ZFP69: variants seen among roughly 807,000 people sequenced by gnomAD.
ZFP69 encodes ZFP69 zinc finger protein, also known as zinc finger protein 69 homolog.
Under a neutral mutation model 48.9 loss-of-function variants are expected in ZFP69, and 35 were observed. That is an observed-to-expected ratio of 0.72 (90% CI 0.55 to 0.95). The LOEUF is 0.95. Ranked by LOEUF, ZFP69 falls within the 40% of genes least tolerant of loss-of-function variation. The pLI is 0.00. For synonymous variants in ZFP69, 193 were observed against 216.8 expected (o/e 0.89, Z 0.96); for missense variants, 557 against 638.4 (o/e 0.87, Z 1.37).
In ZFP69 at chr1:40,496,046, G is replaced by A. The variant is rs750782473; in HGVS notation, c.1568G>A (p.Arg523Gln). 8.8e-6 allele frequency: 14 copies of A among 1,581,976 alleles called. No homozygotes were observed. The highest frequency in any genetic ancestry group is 1.7e-4 in the Middle Eastern group (1 of 5,904). Residue 523 changes from arginine (R) to glutamine (Q), a missense_variant, in exon 6 of 6, where the codon CGA (arginine) becomes CAA (glutamine). Physicochemically the swap from Arg to Gln is conservative, Grantham distance 43 (BLOSUM62 1). Transcript: ENST00000372706. Reference sequence around the variant, plus strand: ...GAAATACACAGGAGGAACGCCTTCCGAAATAAGGTGTAAAAACAGATATTT... The same window carrying A: ...GAAATACACAGGAGGAACGCCTTCCAAAATAAGGTGTAAAAACAGATATTT... ...HHEIHRRNAF[R>Q]NKV
chr1:40,486,443 CTCCCTCCCTCCA>C lies in ZFP69; in HGVS notation c.220-2633_220-2622del, dbSNP rs1370851116. 2.9e-4 allele frequency among the ~76,000 whole-genome samples: 39 copies of C among 136,294 alleles called. 1 individual carries two copies. In the South Asian group the frequency reaches 4.2e-3, roughly 15 times the overall value. The allele number at this position is 136,294 out of a possible 152,430, so 89.4% of individuals were successfully genotyped here. On this transcript the variant is annotated intron_variant, in intron 3 of 5. Coordinates refer to ENST00000372706, the MANE Select transcript of ZFP69 (RefSeq NM_001320179.2). ...CTCCCTTCCTTCCTTCCTTCCCTTC[CTCCCTCCCTCCA>C]TCCCTCCCTCCCTCCTTTCTTCCTC...
At position 40,495,204 on chromosome 1, in the gene ZFP69, C is replaced by T; in HGVS notation, c.726C>T (p.His242=). The T allele has an allele frequency of 6.2e-7, 1 of 1,613,992 alleles. No individual in the cohort carries two copies. The highest frequency in any genetic ancestry group is 8.5e-7 in the Non-Finnish European group (1 of 1,180,014). The part of the protein sequence containing the change: ...VHSNVIIEQR[H]HKYDTPTKRN... Reference sequence around the variant, plus strand: ...CAAATGTTATTATTGAACAGAGGCACCATAAATATGATACACCTACAAAGC... The same window carrying T: ...CAAATGTTATTATTGAACAGAGGCATCATAAATATGATACACCTACAAAGC... The change falls in exon 6 of 6, where the codon CAC becomes CAT. Residue 242 remains histidine (H), a synonymous_variant. Transcript: ENST00000372706.
intron 2 of ZFP69, among the ~76,000 whole-genome samples, chr1:40,480,525 T>G (rs970864731): frequency 1.6e-4 from 25 of 151,574 alleles, no homozygotes; most frequent in African/African-American, 5.3e-4. Context: ...CACAGTTAGA[T>G]GCCTCTTTTG....
chr1:40,495,604 A>T lies in ZFP69; in HGVS notation c.1126A>T (p.Thr376Ser), dbSNP rs1557561850. Residue 376 changes from threonine (T) to serine (S), a missense_variant, in exon 6 of 6, where the codon ACT (threonine) becomes TCT (serine). Transcript: ENST00000372706. ...CATTAGCTTGGTTCAACATTTGAGGACTCATTCTGGAGAGAAACCTTTTAC... is the reference window on the plus strand; with the variant it reads ...CATTAGCTTGGTTCAACATTTGAGGTCTCATTCTGGAGAGAAACCTTTTAC... ...QNISLVQHLR[T>S]HSGEKPFTCN... The T allele has an allele frequency of 6.2e-7, 1 of 1,614,256 alleles. No individual in the cohort carries two copies. The highest frequency in any genetic ancestry group is 2.2e-5 in the East Asian group (1 of 44,880).
At position 40,479,342 on chromosome 1, in the gene ZFP69, A is replaced by G. The variant is rs1645420963; in HGVS notation, c.-20A>G. ...GCAATTTCCTCACCAGAAGTGGACA[A>G]GTCCAGTAAGGCAGGCATCATGCCA... is the stretch of plus-strand genomic sequence containing the variant. On this transcript the variant is annotated 5_prime_UTR_variant, in exon 2 of 6. Transcript: ENST00000372706. 9 of 1,612,864 alleles carry G rather than the reference A, an allele frequency of 5.6e-6. No homozygotes were observed. The East Asian group carries it at 1.8e-4, about 32-fold the overall frequency.
chr1:40,494,058 T>C (rs962131021), intron 5 of ZFP69, among the ~76,000 whole-genome samples: 2 of 152,124 alleles, frequency 1.3e-5, no homozygotes, highest in Non-Finnish European at 2.9e-5. Context: ...AATGTTCTTG[T>C]GTGTATTCTT....
chr1:40,493,834 G>C (rs11208254), intron 5 of ZFP69: 1 of 151,950 alleles, frequency 6.6e-6, no homozygotes, highest in East Asian at 1.9e-4. Flanking sequence ...AGACCTGTCA[G>C]TTGAAATATT....
chr1:40,478,280 A>G (rs886549952), intron 1 of ZFP69, among the ~76,000 whole-genome samples: 18 of 152,156 alleles, frequency 1.2e-4, no homozygotes, highest in African/African-American at 4.1e-4. Context: ...GCACCTGCTC[A>G]GATTCTAGGG....
At position 40,481,747 on chromosome 1, in the gene ZFP69, T is replaced by C. The variant is rs1401416285; in HGVS notation, c.128-16T>C. 1.3e-6 allele frequency: 2 copies of C among 1,594,646 alleles called. No individual in the cohort carries two copies. Among genetic ancestry groups the C allele is most frequent in the Non-Finnish European group, 1.7e-6 (2 of 1,168,804 alleles). On this transcript the variant is annotated splice_polypyrimidine_tract_variant and intron_variant, in intron 2 of 5. Coordinates refer to ENST00000372706, the MANE Select transcript of ZFP69 (RefSeq NM_001320179.2). ...TTTGGGGAGATGCAAAGCTCATGGC[T>C]CTTTTCCTTCCCCAGCTCTGCTGTC...
intron 5 of ZFP69, chr1:40,491,199 GTA>G (rs1345519484): frequency 6.6e-6 from 1 of 152,120 alleles, no homozygotes; most frequent in African/African-American, 2.4e-5. Context: ...ATATTCCTCA[GTA>G]TGTTATTCTA....
chr1:40,485,028 G>A (rs1229457576), intron 3 of ZFP69, among the ~76,000 whole-genome samples: 2 of 151,434 alleles, frequency 1.3e-5, no homozygotes, highest in Non-Finnish European at 2.9e-5. Flanking sequence ...GAGTAGCTGG[G>A]ATTACAGGCT....
chr1:40,481,943 G>T, intron 3 of ZFP69, 89 bp downstream of exon 3: 1 of 885,228 alleles, frequency 1.1e-6, no homozygotes. Context: ...TGGGAGTGGT[G>T]GTGAGGTAGG....
intron 3 of ZFP69, among the ~76,000 whole-genome samples, chr1:40,484,803 G>A (rs1645478383): frequency 6.9e-6 from 1 of 145,036 alleles, no homozygotes; most frequent in Non-Finnish European, 1.5e-5. Flanking sequence ...GGATGGTCTT[G>A]ATCTCCTGAC....
In ZFP69 at chr1:40,489,601, A is replaced by G. The variant is rs1376643286; in HGVS notation, c.419A>G (p.Glu140Gly). 6.2e-7 allele frequency: 1 copy of G among 1,613,614 alleles called. No homozygotes were observed. Among genetic ancestry groups the G allele is most frequent in the African/African-American group, 1.3e-5 (1 of 74,884 alleles). ...KGEEPWMAEK[E>G]GPGDPSSDLK... ...GAAGAGCCATGGATGGCAGAGAAAG[A>G]AGGCCCAGGAGATCCCAGTTCAGGT... Residue 140 changes from glutamate to glycine, a missense_variant, in exon 5 of 6, where the codon GAA becomes GGA. By Grantham distance (98) the Glu-to-Gly change is moderately conservative. Coordinates refer to ENST00000372706, the MANE Select transcript of ZFP69 (RefSeq NM_001320179.2).
chr1:40,495,706 C>G lies in ZFP69; in HGVS notation c.1228C>G (p.Pro410Ala). ...TATAAGAATTCATACCGGGGAGAAGCCCTATGCATGCACTGCATGTTGTAA... is the reference window on the plus strand; with the variant it reads ...TATAAGAATTCATACCGGGGAGAAGGCCTATGCATGCACTGCATGTTGTAA... ...EHIRIHTGEK[P>A]YACTACCKTF... The change falls in exon 6 of 6, where the codon CCC (proline) becomes GCC (alanine). Residue 410 changes from proline to alanine, a missense_variant. Coordinates refer to ENST00000372706, the MANE Select transcript of ZFP69 (RefSeq NM_001320179.2). The G allele has an allele frequency of 2.5e-6, 4 of 1,614,154 alleles. No individual in the cohort carries two copies. The highest frequency in any genetic ancestry group is 3.4e-6 in the Non-Finnish European group (4 of 1,180,028).
chr1:40,486,906 G>T (rs1287192563), intron 3 of ZFP69, among the ~76,000 whole-genome samples: 2 of 149,848 alleles, frequency 1.3e-5, no homozygotes, highest in East Asian at 1.9e-4. Flanking sequence ...TTCACTTGTA[G>T]AATTTTCATT....
chr1:40,495,364 G>C lies in ZFP69; in HGVS notation c.886G>C (p.Glu296Gln). Residue 296 changes from glutamate (E) to glutamine (Q), a missense_variant, in exon 6 of 6, where the codon GAG becomes CAG. Glu to Gln is a conservative substitution (Grantham distance 29). Transcript: ENST00000372706. ...TGAACATATGAGAATTCATACTGGT[G>C]AGAAACCTTTCAGATGTAAGGAATG... ...LTEHMRIHTG[E>Q]KPFRCKECGR... 1 of 1,614,192 alleles carries C rather than the reference G, an allele frequency of 6.2e-7. No homozygotes were observed. Among genetic ancestry groups the C allele is most frequent in the Non-Finnish European group, 8.5e-7 (1 of 1,180,042 alleles).
intron 3 of ZFP69, 67 bp downstream of exon 3, chr1:40,481,921 T>C: frequency 1.6e-6 from 2 of 1,270,388 alleles, no homozygotes; most frequent in East Asian, 2.3e-5. Context: ...TAACCTGTCT[T>C]TTTTGCAGAG....
intron 2 of ZFP69, among the ~76,000 whole-genome samples, chr1:40,480,186 C>T (rs1036157287): frequency 1.3e-5 from 2 of 151,932 alleles, no homozygotes; most frequent in Admixed American, 1.3e-4. Context: ...GATAGGCATA[C>T]ACCTCAATCA....
Sources: allele counts gnomAD v4.1 joint callset (sites outside exome capture counted in the v4.1 genomes callset), GRCh38; gene constraint gnomAD v4.1.1; transcripts MANE v1.5; gene names NCBI Gene and HGNC (gene_info 2026-07-23, HGNC 2026-07-21).